STRC: variants seen among roughly 807,000 people sequenced by gnomAD.
STRC encodes stereocilin.
A neutral mutation model predicts 103.5 loss-of-function variants in STRC; 43 were observed. The ratio of observed to expected loss-of-function variants is 0.42; its 90% CI spans 0.33 to 0.54. The LOEUF is 0.54. Among genes scored for constraint, STRC ranks in the 20% least tolerant of loss-of-function variants. STRC has a pLI of 0.14. For synonymous variants in STRC, 186 were observed against 442.3 expected, an observed-to-expected ratio of 0.42 and a Z score of 7.27; for missense variants, 499 against 1,088.5, an observed-to-expected ratio of 0.46 and a Z score of 7.62.
At chr15:43,609,397 A>C in intron 15 of STRC, 63 bp from the exon 16 acceptor site, 1 of 1,523,752 alleles carries the variant, frequency 6.6e-7, no homozygotes. Flanking sequence ...TACCCCCTAG[A>C]GTGGAGAGGC....
intron 19 of STRC, 61 bp downstream of exon 19, chr15:43,605,203 T>C: frequency 1.3e-6 from 2 of 1,573,710 alleles, no homozygotes; most frequent in Non-Finnish European, 1.7e-6. Flanking sequence ...CAGAGAGCAT[T>C]GTCTGAGGAG....
At chr15:43,609,145 T>C (rs2085731312) in intron 16 of STRC, 131 bp downstream of exon 16, 1 of 808,908 alleles carries the variant, frequency 1.2e-6, no homozygotes, top group Non-Finnish European at 2.2e-6. Context: ...TAGGAGAACG[T>C]CCACGAGGCA....
In STRC at chr15:43,601,391, G is replaced by A. The variant is rs1457564690; in HGVS notation, c.4701+5C>T. 6.2e-7 allele frequency: 1 copy of A among 1,613,110 alleles called. No individual in the cohort carries two copies. The highest frequency in any genetic ancestry group is 1.7e-5 in the Admixed American group (1 of 60,002). On this transcript the variant is annotated splice_donor_5th_base_variant and intron_variant, in intron 24 of 28. Coordinates refer to ENST00000450892, the MANE Select transcript of STRC (RefSeq NM_153700.2). ...GGAAGCCGTAGGGAGGAGGAAAAGT[G>A]TTACCTGAGTGGTGCTCCAGCCATC...
chr15:43,604,480 G>A (rs2085697689), intron 20 of STRC, 29 bp from the exon 21 acceptor site: 1 of 1,554,958 alleles, frequency 6.4e-7, no homozygotes, highest in Non-Finnish European at 8.7e-7. Context: ...TCGGGGGCTG[G>A]GGAGCTGAGG....
At chr15:43,606,472 C>T (rs566467785) in intron 18 of STRC, among the ~76,000 whole-genome samples, 7 of 150,222 alleles carry the variant, frequency 4.7e-5, no homozygotes, top group Admixed American at 1.3e-4. Flanking sequence ...TGGTGGCACG[C>T]GCCTGTAATC....
intron 23 of STRC, among the ~76,000 whole-genome samples, chr15:43,602,323 G>A (rs1280500699): frequency 1.3e-5 from 2 of 151,672 alleles, no homozygotes; most frequent in East Asian, 1.9e-4. Flanking sequence ...TGGGATTACA[G>A]GCATGTGCCG....
In STRC at chr15:43,604,765, G is replaced by A. The variant is rs755471554; in HGVS notation, c.4012C>T (p.Arg1338Ter). The change falls in exon 20 of 29, where the codon CGA becomes TGA. Residue 1338 changes from arginine to a stop codon, truncating the protein, a stop_gained. Transcript: ENST00000450892. LOFTEE classifies it high-confidence loss of function. ...LVGFLGTEST[R>*]QIPLQILLSH... is the part of the protein sequence containing the mutation. The stretch of plus-strand genomic sequence containing the variant: ...AGCAGGATCTGTAGGGGGATCTGTC[G>A]TGTGCTCTCTGTCCCCAGGAATCCA... 25 of 1,613,398 alleles carry A rather than the reference G, an allele frequency of 1.5e-5. No homozygotes were observed. The highest frequency in any genetic ancestry group is 8.3e-5 in the Admixed American group (5 of 59,956).
Position 43,601,547 on chromosome 15 carries a change from CA to C in STRC, c.4549del (p.Trp1517GlyfsTer19), listed in dbSNP as rs2085668934. Reference sequence around the variant, plus strand: ...AGGACGAAATCCCCGGGGGGGACCCCACAACTAGGAGAAAGACAGGAACAAT... The same window carrying C: ...AGGACGAAATCCCCGGGGGGGACCCCCAACTAGGAGAAAGACAGGAACAAT... ...RAAMGKAKQLWGPPRGFRPEQ... is the reference protein window; with the variant it reads ...RAAMGKAKQLXGPPRGFRPEQ... On this transcript the variant is annotated frameshift_variant, in exon 24 of 29. Transcript: ENST00000450892. LOFTEE classifies it high-confidence loss of function. 11 of 1,613,774 alleles carry C rather than the reference CA, an allele frequency of 6.8e-6. 1 individual carries two copies. The East Asian group carries it at 2.2e-4, about 33-fold the overall frequency.
At chr15:43,605,431 A>G (rs372903335) in intron 18 of STRC, 32 bp from the exon 19 acceptor site, 4 of 1,582,182 alleles carry the variant, frequency 2.5e-6, no homozygotes, top group Non-Finnish European at 3.4e-6. Context: ...AACAGGATTC[A>G]GGTGGAGCTG....
chr15:43,603,197 A>G lies in STRC; in HGVS notation c.4545+45T>C, dbSNP rs182611640. ...CTCTTTGTGTCCTACATCACACCCA[A>G]ATAGCTTCCTCATGGCCAACCCCAG... is the stretch of plus-strand genomic sequence containing the variant. On this transcript the variant is annotated intron_variant, in intron 23 of 28. Coordinates refer to ENST00000450892, the MANE Select transcript of STRC (RefSeq NM_153700.2). 891 of 1,604,208 alleles carry G rather than the reference A, an allele frequency of 5.6e-4. 10 individuals carry two copies. Among genetic ancestry groups the G allele is most frequent in the African/African-American group, 4.8e-3 (359 of 74,702 alleles).
chr15:43,607,970 G>A lies in STRC; in HGVS notation c.3687C>T (p.Ala1229=). 6.2e-7 allele frequency: 1 copy of A among 1,610,544 alleles called. No homozygotes were observed. The highest frequency in any genetic ancestry group is 8.5e-7 in the Non-Finnish European group (1 of 1,179,462). The change falls in exon 18 of 29, where the codon GCC becomes GCT. Residue 1229 remains alanine (A), a synonymous_variant. Coordinates refer to ENST00000450892, the MANE Select transcript of STRC (RefSeq NM_153700.2). ...LPTRVRGSLR[A]CIWAELQRRM... ...TCCGCTGTAGCTCTGCCCAGATACA[G>A]GCCCTCTGTAGGGAAGCAGTGTGAG...
At position 43,613,463 on chromosome 15, in the gene STRC, C is replaced by T. The variant is rs552611082; in HGVS notation, c.2481-232G>A. On this transcript the variant is annotated intron_variant, in intron 7 of 28. Coordinates refer to ENST00000450892, the MANE Select transcript of STRC (RefSeq NM_153700.2). ...CCAGGTTCAAGCTATCCTCCTGCCT[C>T]AGCCTCCAGAGTAACTGGGACTACA... is the stretch of plus-strand genomic sequence containing the variant. Among the ~76,000 whole-genome samples the T allele has an allele frequency of 2.5e-4, 35 of 138,940 alleles. No homozygotes were observed. The South Asian group carries it at 2.5e-3, about 10-fold the overall frequency. The allele number at this position is 138,940 out of a possible 152,430, so 91.2% of individuals were successfully genotyped here.
At chr15:43,600,828 A>C (rs2085660302) in intron 25 of STRC, 44 bp downstream of exon 25, 2 of 1,613,490 alleles carry the variant, frequency 1.2e-6, no homozygotes, top group Admixed American at 1.7e-5. Flanking sequence ...CAGTAAGTCC[A>C]CCTTTACCTC....
chr15:43,603,309 G>T lies in STRC; in HGVS notation c.4478C>A (p.Thr1493Lys), dbSNP rs770909170. 6.2e-7 allele frequency: 1 copy of T among 1,613,868 alleles called. No homozygotes were observed. Among genetic ancestry groups the T allele is most frequent in the Non-Finnish European group, 8.5e-7 (1 of 1,179,898 alleles). Reference sequence around the variant, plus strand: ...AAGTCCTGGGTCTCCTGCAAATAATGTCAGGCAGTCCTCAAAGTCTGAGAG... The same window carrying T: ...AAGTCCTGGGTCTCCTGCAAATAATTTCAGGCAGTCCTCAAAGTCTGAGAG... ...MELSDFEDCL[T>K]LFAGDPGLGP... Residue 1493 changes from threonine (T) to lysine (K), a missense_variant, in exon 23 of 29, where the codon ACA becomes AAA. Thr to Lys is a moderately conservative substitution (Grantham distance 78). Coordinates refer to ENST00000450892, the MANE Select transcript of STRC (RefSeq NM_153700.2).
chr15:43,603,439 T>C (rs201391800), intron 22 of STRC, 28 bp from the exon 23 acceptor site: 2 of 1,608,512 alleles, frequency 1.2e-6, no homozygotes, highest in Non-Finnish European at 1.7e-6. Context: ...GGCCAGGAGG[T>C]CAGCGCAGTA....
At chr15:43,604,270 T>C (rs1460095030) in intron 21 of STRC, 91 bp downstream of exon 21, 1 of 1,596,018 alleles carries the variant, frequency 6.3e-7, no homozygotes, top group African/African-American at 1.3e-5. Flanking sequence ...CTAGGCTTCA[T>C]ATCCTTTGCC....
chr15:43,601,573 T>C (rs781548105), intron 23 of STRC, 22 bp from the exon 24 acceptor site: 6 of 1,613,012 alleles, frequency 3.7e-6, no homozygotes, highest in African/African-American at 1.3e-5. Context: ...ACAGGAACAA[T>C]GTGAGTGGAA....
chr15:43,603,864 A>C (rs1213113563), intron 22 of STRC, 132 bp downstream of exon 22: 4 of 1,507,650 alleles, frequency 2.7e-6, no homozygotes, highest in Non-Finnish European at 3.6e-6. Flanking sequence ...AAGAGGCTTG[A>C]AGATCATCCC....
rs2085698393 is a variant in STRC, at chr15:43,604,582, A to G, written c.4127+68T>C. ...CCTTAAGAATATGGAACAGGCTGCC[A>G]CTGATGATGGTGGCTGAGGGACTGG... On this transcript the variant is annotated intron_variant, in intron 20 of 28. Transcript: ENST00000450892. 4 of 1,612,416 alleles carry G rather than the reference A, an allele frequency of 2.5e-6. No homozygotes were observed. In the Admixed American group the frequency reaches 6.7e-5, roughly 27 times the overall value.
Sources: gnomAD v4.1 joint callset for allele counts (sites outside exome capture counted in the v4.1 genomes callset) on GRCh38, gnomAD v4.1.1 for gene constraint, MANE v1.5 for transcripts, NCBI Gene and HGNC (gene_info 2026-07-23, HGNC 2026-07-21) for gene names.